The following ADAMTS17 variants were observed in gnomAD, a reference collection of about 807,000 sequenced individuals.
ADAMTS17 encodes A disintegrin and metalloproteinase with thrombospondin motifs 17.
A neutral mutation model predicts 141.5 loss-of-function variants in ADAMTS17; 113 were observed. The ratio of observed to expected loss-of-function variants is 0.80; its 90% CI spans 0.69 to 0.93. The LOEUF is 0.93. Ranked by LOEUF, ADAMTS17 falls within the 40% of genes least tolerant of loss-of-function variation. The pLI, the probability that ADAMTS17 is intolerant of heterozygous loss-of-function variation, is 0.00. For missense variants in ADAMTS17, 1,659 were observed against 1,517.9 expected, an observed-to-expected ratio of 1.09 and a Z score of -1.54; for synonymous variants, 768 against 630.6, an observed-to-expected ratio of 1.22 and a Z score of -3.27.
In ADAMTS17 at chr15:100,341,198, G is replaced by A; in HGVS notation, c.291C>T (p.Arg97=). ...CTCGGGACAGGAAGCGCAGGTCGCG[G>A]CGCAGCTGAAGGTACAGGTCGCGCC... ...AFGRDLYLQL[R]RDLRFLSRGF... The change falls in exon 2 of 22, where the codon CGC becomes CGT. Residue 97 remains arginine (R), a synonymous_variant. Transcript: ENST00000268070. The A allele has an allele frequency of 8.9e-6, 13 of 1,462,568 alleles. No homozygotes were observed. Among genetic ancestry groups the A allele is most frequent in the Non-Finnish European group, 1.2e-5 (13 of 1,110,896 alleles). 90.6% of individuals were successfully genotyped at this position (1,462,568 alleles called of 1,614,324 possible).
chr15:100,333,681 C>G (rs2046122896), intron 2 of ADAMTS17, among the ~76,000 whole-genome samples: 1 of 152,206 alleles, frequency 6.6e-6, no homozygotes, highest in South Asian at 2.1e-4. Flanking sequence ...GCCCCAAAAG[C>G]TGAGCAGGGC....
chr15:100,152,550 A>T, intron 10 of ADAMTS17, 62 bp downstream of exon 10: 1 of 1,602,720 alleles, frequency 6.2e-7, no homozygotes, highest in Non-Finnish European at 8.5e-7. Context: ...CAGAAGCCAG[A>T]CCTGCTGTGG....
intron 4 of ADAMTS17, among the ~76,000 whole-genome samples, chr15:100,265,883 AC>A (rs1289365948): frequency 6.6e-6 from 1 of 152,190 alleles, no homozygotes; most frequent in East Asian, 1.9e-4. Context: ...CCCAGCCCCC[AC>A]TGAATCAGAG....
intron 7 of ADAMTS17, among the ~76,000 whole-genome samples, chr15:100,241,491 T>C (rs192980618): frequency 8.5e-5 from 13 of 152,350 alleles, no homozygotes; most frequent in Admixed American, 6.5e-4. Flanking sequence ...AAGCCTCAAA[T>C]CTCAGTGTCT....
rs1229628974 is a variant in ADAMTS17, at chr15:99,997,643, C to A, written c.2592-54G>T. The A allele has an allele frequency of 1.9e-5, 31 of 1,607,038 alleles. No homozygotes were observed. Among genetic ancestry groups the A allele is most frequent in the Non-Finnish European group, 2.5e-5 (30 of 1,176,632 alleles). ...ACGACTGGGTGAGAGGCCAGCCTCT[C>A]CGGAGGGCCTTCCGGCCGGATCCTG... On this transcript the variant is annotated intron_variant, in intron 18 of 21. Transcript: ENST00000268070. This position sits in a 1 kb window ranked among gnomAD's most constrained non-coding sequence, Gnocchi z 4.7.
At chr15:100,108,648 C>T (rs904508754) in intron 14 of ADAMTS17, among the ~76,000 whole-genome samples, 2 of 152,234 alleles carry the variant, frequency 1.3e-5, no homozygotes, top group Admixed American at 1.3e-4. Flanking sequence ...CTCTTCTGCA[C>T]TAAATGGGGC....
chr15:100,142,156 A>G lies in ADAMTS17; in HGVS notation c.1474-8841T>C, dbSNP rs1046318153. Reference sequence around the variant, plus strand: ...CACAGAAACTTCTAACAGTCTCTGGAGGACTCTAGCAATCCACCAGGTTTA... The same window carrying G: ...CACAGAAACTTCTAACAGTCTCTGGGGGACTCTAGCAATCCACCAGGTTTA... On this transcript the variant is annotated intron_variant, in intron 10 of 21. Transcript: ENST00000268070. Among the ~76,000 whole-genome samples, 68 of 152,268 alleles carry G rather than the reference A, an allele frequency of 4.5e-4. 2 individuals are homozygous for G. Among genetic ancestry groups the G allele is most frequent in the Non-Finnish European group, 7.3e-5 (5 of 68,050 alleles).
At chr15:100,145,861 C>A (rs549969996) in intron 10 of ADAMTS17, among the ~76,000 whole-genome samples, 1 of 152,322 alleles carries the variant, frequency 6.6e-6, no homozygotes, top group Non-Finnish European at 1.5e-5. Context: ...TTTAACGCAT[C>A]ACATTCTGCC....
At chr15:100,089,653 T>TA (rs1178154183) in intron 15 of ADAMTS17, among the ~76,000 whole-genome samples, 1 of 151,802 alleles carries the variant, frequency 6.6e-6, no homozygotes, top group Non-Finnish European at 1.5e-5. Flanking sequence ...TATGCAGCCA[T>TA]AAAAAATGAT....
chr15:100,290,121 C>T (rs2044580020), intron 3 of ADAMTS17, among the ~76,000 whole-genome samples: 2 of 152,230 alleles, frequency 1.3e-5, no homozygotes, highest in South Asian at 2.1e-4. Flanking sequence ...ATCCCATAAT[C>T]TCTACCCCCA....
At chr15:100,134,503 A>T (rs2038224386) in intron 10 of ADAMTS17, among the ~76,000 whole-genome samples, 1 of 152,220 alleles carries the variant, frequency 6.6e-6, no homozygotes, top group Non-Finnish European at 1.5e-5. Flanking sequence ...CTGCTGCTTC[A>T]CACTGAGCAG....
chr15:100,197,290 C>T (rs1476468600), intron 8 of ADAMTS17, among the ~76,000 whole-genome samples: 2 of 152,228 alleles, frequency 1.3e-5, no homozygotes, highest in Non-Finnish European at 2.9e-5. Context: ...GTAACTATAG[C>T]TCAACCCACC....
intron 20 of ADAMTS17, among the ~76,000 whole-genome samples, chr15:99,986,487 T>A (rs1047007821): frequency 6.6e-6 from 1 of 152,066 alleles, no homozygotes; most frequent in Non-Finnish European, 1.5e-5. Flanking sequence ...TATCTCCACA[T>A]CACACACAGA....
chr15:100,320,385 G>C (rs970380437), intron 3 of ADAMTS17, among the ~76,000 whole-genome samples: 15 of 152,190 alleles, frequency 9.9e-5, no homozygotes, highest in African/African-American at 3.6e-4. Flanking sequence ...CAACAGTCCT[G>C]CACAGAGAGA....
chr15:100,040,421 A>T (rs1261741273), intron 18 of ADAMTS17, among the ~76,000 whole-genome samples: 1 of 152,162 alleles, frequency 6.6e-6, no homozygotes, highest in Non-Finnish European at 1.5e-5. Flanking sequence ...TATTCCTCAG[A>T]CTAAATCTCA....
chr15:100,335,827 G>A (rs1034460433), intron 2 of ADAMTS17, among the ~76,000 whole-genome samples: 2 of 151,988 alleles, frequency 1.3e-5, no homozygotes, highest in East Asian at 3.9e-4. Context: ...TAAGTGACTC[G>A]CTCAAGATCA....
chr15:100,146,213 A>G (rs752012789), intron 10 of ADAMTS17, among the ~76,000 whole-genome samples: 8 of 152,206 alleles, frequency 5.3e-5, no homozygotes, highest in Non-Finnish European at 8.8e-5. Context: ...TATAGTATAA[A>G]AACCGTATAA....
At chr15:100,141,182 G>A (rs1330618334) in intron 10 of ADAMTS17, among the ~76,000 whole-genome samples, 4 of 152,204 alleles carry the variant, frequency 2.6e-5, no homozygotes, top group East Asian at 1.9e-4. Context: ...ATAGTTCCTC[G>A]AGCGGCTGCA....
chr15:100,311,770 T>C (rs1211876574), intron 3 of ADAMTS17, among the ~76,000 whole-genome samples: 5 of 151,962 alleles, frequency 3.3e-5, no homozygotes, highest in African/African-American at 1.2e-4. Context: ...AAGAGGTGCC[T>C]GCCCTAGCCT....
Sources: allele counts gnomAD v4.1 joint callset (sites outside exome capture counted in the v4.1 genomes callset), GRCh38; gene constraint gnomAD v4.1.1; non-coding constraint Gnocchi (gnomAD v3.1); transcripts MANE v1.5; gene names NCBI Gene and HGNC (gene_info 2026-07-23, HGNC 2026-07-21).